Variants in RIF1 observed in about 807,000 individuals in gnomAD.
The protein encoded by RIF1 is telomere-associated protein RIF1.
In RIF1, 45 loss-of-function variants were observed where a neutral mutation model predicts 247.1. The ratio of observed to expected loss-of-function variants is 0.18; its 90% CI spans 0.14 to 0.23. The LOEUF is 0.23. Among genes scored for constraint, RIF1 ranks in the 10% least tolerant of loss-of-function variants. The pLI is 1.00. For synonymous variants in RIF1, 1,087 were observed against 978.8 expected, an observed-to-expected ratio of 1.11 and a Z score of -2.06; for missense variants, 2,967 against 2,862.5, an observed-to-expected ratio of 1.04 and a Z score of -0.83.
intron 13 of RIF1, among the ~76,000 whole-genome samples, chr2:151,438,316 C>CA (rs973492722): frequency 8.7e-5 from 13 of 150,172 alleles, no homozygotes; most frequent in Non-Finnish European, 8.9e-5. Flanking sequence ...GCTATCTTTA[C>CA]AAAAAAAAAT....
At chr2:151,445,804 G>A (rs1479904019) in intron 19 of RIF1, among the ~76,000 whole-genome samples, 1 of 152,190 alleles carries the variant, frequency 6.6e-6, no homozygotes, top group Non-Finnish European at 1.5e-5. Context: ...CTCCCAAAGT[G>A]CTGGGATTAC....
the RIF1 span, among the ~76,000 whole-genome samples, chr2:151,523,380 C>A: frequency 3.3e-5 from 5 of 152,302 alleles, no homozygotes; most frequent in African/African-American, 1.2e-4. Context: ...TTATATCTTC[C>A]AAAAGATTGG....
downstream of RIF1, chr2:151,512,753 C>T (rs779818222): frequency 1.3e-5 from 21 of 1,613,690 alleles, no homozygotes; most frequent in South Asian, 8.8e-5. Flanking sequence ...AGATTCTTGA[C>T]TTGTTGGGCA....
At position 151,413,720 on chromosome 2, in the gene RIF1, C is replaced by G. The variant is rs531900826; in HGVS notation, c.184-1103C>G. 1.8e-4 allele frequency among the ~76,000 whole-genome samples: 28 copies of G among 152,302 alleles called. No homozygotes were observed. The South Asian group carries it at 5.2e-3, about 28-fold the overall frequency. On this transcript the variant is annotated intron_variant, in intron 3 of 35. Transcript: ENST00000444746. ...TGCTATATCCCTTACATTCTGTACT[C>G]TAGGATTTGCATTTTTTGGCTTCGT...
In RIF1 at chr2:151,504,174, G is replaced by T. The variant is rs188278168; in HGVS notation, c.*861+989G>T. ...AGGACTGAATGAGTTCTTTTAAATG[G>T]ATGGATTCCCTGGTGTATTAGTGCA... On this transcript the variant is annotated intron_variant and NMD_transcript_variant, in intron 12 of 13. Transcript: ENST00000454583. Among the ~76,000 whole-genome samples the T allele has an allele frequency of 3.9e-5, 6 of 152,228 alleles. No individual in the cohort carries two copies. In the East Asian group the frequency reaches 1.2e-3, roughly 29 times the overall value.
At chr2:151,499,685 T>C in intron 11 of RIF1, 1 of 275,736 alleles carries the variant, frequency 3.6e-6, no homozygotes, top group Non-Finnish European at 6.9e-6. Context: ...ACTAAAATAC[T>C]CAGTGTACAA....
In RIF1 at chr2:151,480,248, T is replaced by C. The variant is rs2049112965; in HGVS notation, c.*5177T>C. 6.6e-6 allele frequency: 1 copy of C among 152,176 alleles called. No homozygotes were observed. The highest frequency in any genetic ancestry group is 6.5e-5 in the Admixed American group (1 of 15,280). The allele number at this position is 152,176 out of a possible 1,614,324, so 9.4% of individuals were successfully genotyped here. ...CACAAGTAAGAAAAAAACTCTAACTTTTGTACTCTACTTGTAGCAGAGGGA... is the reference window on the plus strand; with the variant it reads ...CACAAGTAAGAAAAAAACTCTAACTCTTGTACTCTACTTGTAGCAGAGGGA... On this transcript the variant is annotated 3_prime_UTR_variant, in exon 36 of 36. Coordinates refer to ENST00000444746, the MANE Select transcript of RIF1 (RefSeq NM_018151.5).
At chr2:151,493,479 C>G in intron 9 of RIF1, 1 of 1,413,270 alleles carries the variant, frequency 7.1e-7, no homozygotes, top group Non-Finnish European at 9.7e-7. Context: ...AGGCATCAGA[C>G]AGCAGAAAAC....
intron 8 of RIF1, among the ~76,000 whole-genome samples, chr2:151,427,129 G>A (rs2152269448): frequency 6.6e-6 from 1 of 151,846 alleles, no homozygotes; most frequent in East Asian, 1.9e-4. Context: ...GTGGTTTATA[G>A]CCTGTTAGGA....
chr2:151,438,831 A>G (rs1003498727), intron 14 of RIF1, 85 bp downstream of exon 14: 2 of 792,978 alleles, frequency 2.5e-6, no homozygotes, highest in Admixed American at 2.1e-5. Flanking sequence ...GAATTGTTTG[A>G]CTATATAAAA....
chr2:151,412,291 C>T (rs12994320), intron 3 of RIF1, among the ~76,000 whole-genome samples: 97,377 of 149,308 alleles, frequency 0.65, 31,418 homozygotes, highest in South Asian at 0.81. Flanking sequence ...ACCTTGTTCT[C>T]TTTTTTTAAT....
At position 151,458,818 on chromosome 2, in the gene RIF1, C is replaced by G; in HGVS notation, c.2863C>G (p.Leu955Val). 2 of 1,606,808 alleles carry G rather than the reference C, an allele frequency of 1.2e-6. No individual in the cohort carries two copies. The highest frequency in any genetic ancestry group is 1.7e-6 in the Non-Finnish European group (2 of 1,174,310). Residue 955 changes from leucine (L) to valine (V), a missense_variant, in exon 25 of 36, where the codon CTA becomes GTA. By Grantham distance (32) the Leu-to-Val change is conservative. Coordinates refer to ENST00000444746, the MANE Select transcript of RIF1 (RefSeq NM_018151.5). ...TTATGTACTTTTTTAAAGACCAGTA[C>G]TAACACAAGCCAAACAAAAATTTCT... ...LVYPEELKPV[L>V]TQAKQKFLLL...
chr2:151,451,315 A>G (rs1006503245), intron 20 of RIF1, among the ~76,000 whole-genome samples: 6 of 152,178 alleles, frequency 3.9e-5, no homozygotes, highest in Non-Finnish European at 8.8e-5. Context: ...TGCCTAGGCT[A>G]TGTGTTTGTA....
At chr2:151,445,586 G>A (rs576077654) in intron 19 of RIF1, 141 bp downstream of exon 19, 115 of 629,232 alleles carry the variant, frequency 1.8e-4, no homozygotes, top group Middle Eastern at 8.5e-4. Context: ...TCACATTGTC[G>A]TCCAGGCTTG....
At chr2:151,474,158 C>A in intron 35 of RIF1, 86 bp downstream of exon 35, 1 of 721,538 alleles carries the variant, frequency 1.4e-6, no homozygotes. Flanking sequence ...TCTGATTTGA[C>A]CATGCCTTAT....
rs759550987 is a variant in RIF1, at chr2:151,464,856, C to T, written c.5336C>T (p.Ala1779Val). 2.5e-6 allele frequency: 4 copies of T among 1,602,580 alleles called. No homozygotes were observed. The highest frequency in any genetic ancestry group is 3.4e-6 in the Non-Finnish European group (4 of 1,177,120). ...APVSPSETSQ[A>V]NPYSEGQFLD... ...GTAAGCCCATCAGAAACTTCTCAAG[C>T]TAATCCATATTCTGAAGGACAATTT... The change falls in exon 30 of 36, where the codon GCT (alanine) becomes GTT (valine). Residue 1779 changes from alanine (A) to valine (V), a missense_variant. By Grantham distance (64) the Ala-to-Val change is moderately conservative. Coordinates refer to ENST00000444746, the MANE Select transcript of RIF1 (RefSeq NM_018151.5).
At position 151,491,981 on chromosome 2, in the gene RIF1, C is replaced by A; in HGVS notation, c.*416-3248C>A. The A allele has an allele frequency of 2.6e-6, 3 of 1,175,044 alleles. No individual in the cohort carries two copies. The South Asian group carries it at 4.4e-5, about 17-fold the overall frequency. 72.8% of individuals were successfully genotyped at this position (1,175,044 alleles called of 1,614,324 possible). On this transcript the variant is annotated intron_variant and NMD_transcript_variant, in intron 9 of 13. Transcript: ENST00000454583. Reference sequence around the variant, plus strand: ...ATGAGATAATAGGAGCTTTCTTGCACCTCTAGAAAAACAGATTGAAGTCCT... The same window carrying A: ...ATGAGATAATAGGAGCTTTCTTGCAACTCTAGAAAAACAGATTGAAGTCCT...
intron 18 of RIF1, among the ~76,000 whole-genome samples, chr2:151,444,452 G>T (rs1692894814): frequency 6.6e-6 from 1 of 152,148 alleles, no homozygotes; most frequent in African/African-American, 2.4e-5. Flanking sequence ...TGGGACTACA[G>T]GTGCACGCCA....
intron 9 of RIF1, chr2:151,491,641 A>G: frequency 7.0e-7 from 1 of 1,436,582 alleles, no homozygotes; most frequent in Non-Finnish European, 9.6e-7. Context: ...TAGCATACTA[A>G]ATGGTGATGT....
Sources: allele counts gnomAD v4.1 joint callset (sites outside exome capture counted in the v4.1 genomes callset), GRCh38; gene constraint gnomAD v4.1.1; transcripts MANE v1.5; gene names NCBI Gene and HGNC (gene_info 2026-07-23, HGNC 2026-07-21).